Variants in KRT79 observed in about 807,000 individuals in gnomAD.
KRT79 encodes the protein keratin 79.
A neutral mutation model predicts 49.0 loss-of-function variants in KRT79; 51 were observed. That is an observed-to-expected ratio of 1.04 (90% CI 0.83 to 1.31). The LOEUF (loss-of-function observed/expected upper bound fraction) is 1.31, where lower values mean the gene tolerates loss of function less well. Among genes scored for constraint, KRT79 ranks in the 40% most tolerant of loss-of-function variants. The probability of loss-of-function intolerance (pLI) is 0.00; values close to 1 mark genes in which losing one functional copy is unlikely to be tolerated. For synonymous variants in KRT79, 312 were observed against 286.6 expected (o/e 1.09, Z -0.90); for missense variants, 728 against 688.0 (o/e 1.06, Z -0.65).
In KRT79 at chr12:52,822,935, T is replaced by C. The variant is rs148420404; in HGVS notation, c.1367+81A>G. The C allele has an allele frequency of 6.0e-4, 855 of 1,425,340 alleles. 5 individuals are homozygous for C. The African/African-American group carries it at 9.9e-3, about 16-fold the overall frequency. 88.3% of individuals were successfully genotyped at this position (1,425,340 alleles called of 1,614,324 possible). A position where few individuals can be genotyped will look rare whatever the true frequency, so the allele number is the denominator to read the frequency against. ...CTCCCTGGTTCCTCTCTCCCTCTCTTGACCCCGGAGCAGACTCCCTGGGCT... is the reference window on the plus strand; with the variant it reads ...CTCCCTGGTTCCTCTCTCCCTCTCTCGACCCCGGAGCAGACTCCCTGGGCT... On this transcript the variant is annotated intron_variant, in intron 7 of 8. Transcript: ENST00000330553.
Position 52,821,956 on chromosome 12 carries a change from G to T in KRT79, c.1524C>A (p.Ser508Arg). ...KGGFSTNVGYSTVKGGPVSAG... is the reference protein window; with the variant it reads ...KGGFSTNVGYRTVKGGPVSAG... ...CAGAGACTGGCCCTCCCTTGACGGT[G>T]CTATAGCCCACATTTGTGCTGAATC... The change falls in exon 9 of 9, where the codon AGC (serine) becomes AGA (arginine). Residue 508 changes from serine to arginine, a missense_variant. Transcript: ENST00000330553. 1 of 1,614,192 alleles carries T rather than the reference G, an allele frequency of 6.2e-7. No homozygotes were observed. The highest frequency in any genetic ancestry group is 8.5e-7 in the Non-Finnish European group (1 of 1,180,030).
At position 52,821,709 on chromosome 12, in the gene KRT79, T is replaced by C. The variant is rs576825553; in HGVS notation, c.*163A>G. 245 of 651,288 alleles carry C rather than the reference T, an allele frequency of 3.8e-4. No individual in the cohort carries two copies. The highest frequency in any genetic ancestry group is 5.7e-4 in the Non-Finnish European group (216 of 377,692). The allele number at this position is 651,288 out of a possible 1,614,324, so 40.3% of individuals were successfully genotyped here. The stretch of plus-strand genomic sequence containing the variant: ...TGCAGGACCAAGGAGAAAACCTGAG[T>C]AGATTTGAGCGCTTCCCAAGATGCA... On this transcript the variant is annotated 3_prime_UTR_variant, in exon 9 of 9. Coordinates refer to ENST00000330553, the MANE Select transcript of KRT79 (RefSeq NM_175834.3).
intron 4 of KRT79, among the ~76,000 whole-genome samples, chr12:52,827,859 G>A (rs1322827215): frequency 6.6e-6 from 1 of 152,132 alleles, no homozygotes; most frequent in African/African-American, 2.4e-5. Flanking sequence ...CCCAAGACAG[G>A]GTAGATGAGA....
At chr12:52,833,726 C>A in intron 1 of KRT79, 58 bp downstream of exon 1, 1 of 1,405,710 alleles carries the variant, frequency 7.1e-7, no homozygotes, top group East Asian at 2.3e-5. Context: ...AGCCCACCCT[C>A]TATTAGAGGT....
chr12:52,825,711 A>G (rs1940166905), intron 4 of KRT79, among the ~76,000 whole-genome samples: 1 of 152,216 alleles, frequency 6.6e-6, no homozygotes, highest in Non-Finnish European at 1.5e-5. Context: ...TTAGAGATGC[A>G]ATCAATCTAG....
chr12:52,822,124 G>T, intron 8 of KRT79, 47 bp from the exon 9 acceptor site: 1 of 1,587,588 alleles, frequency 6.3e-7, no homozygotes, highest in East Asian at 2.2e-5. Context: ...ATGCCAGAGA[G>T]GGCTGGGGGA....
At chr12:52,823,637 AGATGG>A (rs1431255348) in intron 6 of KRT79, among the ~76,000 whole-genome samples, 1 of 152,154 alleles carries the variant, frequency 6.6e-6, no homozygotes, top group East Asian at 1.9e-4. Flanking sequence ...GACTTCCTGG[AGATGG>A]GATGGATCAG....
rs527705271 is a variant in KRT79, at chr12:52,822,885, T to TC, written c.1367+130dup. 3.2e-4 allele frequency: 270 copies of TC among 831,586 alleles called. No individual in the cohort carries two copies. The African/African-American group carries it at 3.9e-3, about 12-fold the overall frequency. 51.5% of individuals were successfully genotyped at this position (831,586 alleles called of 1,614,324 possible). Reference sequence around the variant, plus strand: ...GGAGGCAGTGGGCACAAGCAGATTTTCCCCCCGCGTGAGTCAGGATCTTGC... The same window carrying TC: ...GGAGGCAGTGGGCACAAGCAGATTTTCCCCCCCGCGTGAGTCAGGATCTTGC... On this transcript the variant is annotated intron_variant, in intron 7 of 8. Coordinates refer to ENST00000330553, the MANE Select transcript of KRT79 (RefSeq NM_175834.3).
rs772106432 is a variant in KRT79 at position 52,821,989 on chromosome 12, G to A, written c.1491C>T (p.Thr497=). Residue 497 remains threonine, a synonymous_variant, in exon 9 of 9, where the codon ACC becomes ACT. Coordinates refer to ENST00000330553, the MANE Select transcript of KRT79 (RefSeq NM_175834.3). ...CCACATTTGTGCTGAATCCACCCTT[G>A]GTGGCCCCCCCACTCCCACCCAGGG... ...GISLGGSGGA[T]KGGFSTNVGY... 4.0e-5 allele frequency: 64 copies of A among 1,614,054 alleles called. No homozygotes were observed. Among genetic ancestry groups the A allele is most frequent in the Non-Finnish European group, 5.2e-5 (61 of 1,180,048 alleles).
At chr12:52,831,690 G>C in intron 1 of KRT79, 64 bp from the exon 2 acceptor site, 2 of 1,357,610 alleles carry the variant, frequency 1.5e-6, no homozygotes, top group Non-Finnish European at 2.1e-6. Flanking sequence ...CCAAGGATGG[G>C]GTCCATTGCC....
intron 2 of KRT79, among the ~76,000 whole-genome samples, chr12:52,830,847 T>C (rs2121287394): frequency 6.6e-6 from 1 of 152,346 alleles, no homozygotes; most frequent in South Asian, 2.1e-4. Context: ...ATGGGGTCAC[T>C]GGAAATTCAA....
In KRT79 at chr12:52,823,016, C is replaced by T; in HGVS notation, c.1367G>A (p.Arg456Lys). The change falls in exon 7 of 9, where the codon AGG becomes AAG. Residue 456 changes from arginine to lysine, a missense_variant and splice_region_variant. Arg to Lys is a conservative substitution (Grantham distance 26). Coordinates refer to ENST00000330553, the MANE Select transcript of KRT79 (RefSeq NM_175834.3). ...TGGGTCGGGCAGGAGGGGCCACCACCTGCTCTCCTCGCTCTCCAGAAGCTT... is the reference window on the plus strand; with the variant it reads ...TGGGTCGGGCAGGAGGGGCCACCACTTGCTCTCCTCGCTCTCCAGAAGCTT... ...YRKLLESEESRMSGECPSAVS... is the reference protein window; with the variant it reads ...YRKLLESEESKMSGECPSAVS... 1 of 1,613,960 alleles carries T rather than the reference C, an allele frequency of 6.2e-7. No individual in the cohort carries two copies. Among genetic ancestry groups the T allele is most frequent in the Non-Finnish European group, 8.5e-7 (1 of 1,179,996 alleles).
intron 1 of KRT79, among the ~76,000 whole-genome samples, chr12:52,831,897 C>T (rs1263829384): frequency 1.3e-5 from 2 of 152,272 alleles, no homozygotes; most frequent in Non-Finnish European, 2.9e-5. Flanking sequence ...TTGGTCGAAT[C>T]ATTTCTCTCT....
intron 7 of KRT79, 67 bp downstream of exon 7, chr12:52,822,945 GCAGA>G: frequency 6.7e-7 from 1 of 1,489,464 alleles, no homozygotes; most frequent in Non-Finnish European, 9.1e-7. Context: ...TGACCCCGGA[GCAGA>G]CTCCCTGGGC....
At chr12:52,822,241 G>C (rs761254193) in intron 8 of KRT79, 104 bp downstream of exon 8, 9 of 1,348,218 alleles carry the variant, frequency 6.7e-6, no homozygotes, top group Non-Finnish European at 9.4e-6. Context: ...CCAGGGGCTC[G>C]AATGGAGGAG....
In KRT79 at chr12:52,830,254, T is replaced by C; in HGVS notation, c.737A>G (p.Asn246Ser). 1 of 1,614,218 alleles carries C rather than the reference T, an allele frequency of 6.2e-7. No individual in the cohort carries two copies. The highest frequency in any genetic ancestry group is 8.5e-7 in the Non-Finnish European group (1 of 1,180,040). ...CACCTTCTTGAGCACCACAAACTCG[T>C]TCTCTGCAGCAGTGTGCTTGTTGAT... is the stretch of plus-strand genomic sequence containing the variant. Reference protein sequence around the residue: ...DEINKHTAAENEFVVLKKDVD... With the variant: ...DEINKHTAAESEFVVLKKDVD... The change falls in exon 3 of 9, where the codon AAC becomes AGC. Residue 246 changes from asparagine to serine, a missense_variant. Coordinates refer to ENST00000330553, the MANE Select transcript of KRT79 (RefSeq NM_175834.3).
intron 4 of KRT79, among the ~76,000 whole-genome samples, chr12:52,825,915 C>T (rs1592317089): frequency 6.6e-6 from 1 of 152,226 alleles, no homozygotes; most frequent in Admixed American, 6.5e-5. Flanking sequence ...GCTTAAGATC[C>T]ATGTATGACC....
Position 52,822,344 on chromosome 12 carries a change from C to T in KRT79, c.1402+1G>A, listed in dbSNP as rs779508752. 3 of 1,606,614 alleles carry T rather than the reference C, an allele frequency of 1.9e-6. No individual in the cohort carries two copies. Among genetic ancestry groups the T allele is most frequent in the East Asian group, 4.5e-5 (2 of 44,808 alleles). On this transcript the variant is annotated splice_donor_variant, in intron 8 of 8. Transcript: ENST00000330553. LOFTEE classifies it high-confidence loss of function. ...GCAGGAAGTGGGGAGTAAATACTCA[C>T]AAATGCTGACTGCACTGGGACATTC...
intron 4 of KRT79, among the ~76,000 whole-genome samples, chr12:52,829,164 G>A (rs1940214874): frequency 6.6e-6 from 1 of 152,210 alleles, no homozygotes; most frequent in African/African-American, 2.4e-5. Context: ...CGGACCCTAA[G>A]AGTCTGTGAT....
Sources: allele counts gnomAD v4.1 joint callset (sites outside exome capture counted in the v4.1 genomes callset), GRCh38; gene constraint gnomAD v4.1.1; transcripts MANE v1.5; gene names NCBI Gene and HGNC (gene_info 2026-07-23, HGNC 2026-07-21).